Variants in ADAMTS15 observed in about 807,000 individuals in gnomAD.
ADAMTS15 encodes A disintegrin and metalloproteinase with thrombospondin motifs 15.
A neutral mutation model predicts 79.1 loss-of-function variants in ADAMTS15; 35 were observed. The ratio of observed to expected loss-of-function variants is 0.44; its 90% CI spans 0.34 to 0.59. The LOEUF is 0.59. Ranked by LOEUF, ADAMTS15 falls within the 20% of genes least tolerant of loss-of-function variation. The pLI is 0.02. For synonymous variants in ADAMTS15, 616 were observed against 567.3 expected (o/e 1.09, Z -1.22); for missense variants, 1,324 against 1,318.7 (o/e 1.00, Z -0.06).
Position 130,473,178 on chromosome 11 carries a change from T to C in ADAMTS15, c.2210T>C (p.Leu737Pro). ...ALKNSQGKYLLNGHFVVSAVE... is the reference protein window; with the variant it reads ...ALKNSQGKYLPNGHFVVSAVE... The stretch of plus-strand genomic sequence containing the variant: ...AAGAACAGCCAAGGCAAGTACCTGC[T>C]CAACGGGCATTTCGTGGTGTCGGCG... Residue 737 changes from leucine to proline, a missense_variant, in exon 8 of 8, where the codon CTC becomes CCC. Transcript: ENST00000299164. 6.2e-7 allele frequency: 1 copy of C among 1,614,048 alleles called. No homozygotes were observed. Among genetic ancestry groups the C allele is most frequent in the Non-Finnish European group, 8.5e-7 (1 of 1,180,028 alleles).
At position 130,472,700 on chromosome 11, in the gene ADAMTS15, C is replaced by T. The variant is rs1015577275; in HGVS notation, c.2079-347C>T. 6.6e-6 allele frequency among the ~76,000 whole-genome samples: 1 copy of T among 151,626 alleles called. No individual in the cohort carries two copies. Among genetic ancestry groups the T allele is most frequent in the Non-Finnish European group, 1.5e-5 (1 of 68,002 alleles). On this transcript the variant is annotated intron_variant, in intron 7 of 7. Transcript: ENST00000299164. The surrounding 1 kb of genome is among the most constrained non-coding windows in gnomAD (Gnocchi z 4.7). ...CCCACCCCTCCTCCTCCTCCTCCTC[C>T]TCCTCCTCGTCCTCATGGCAGATGT...
chr11:130,449,120 G>A lies in ADAMTS15; in HGVS notation c.147G>A (p.Gly49=), dbSNP rs1429595481. The change falls in exon 1 of 8, where the codon GGG becomes GGA. Residue 49 remains glycine, a synonymous_variant. Transcript: ENST00000299164. This position sits in a 1 kb window ranked among gnomAD's most constrained non-coding sequence, Gnocchi z 7.8. ...ACTGGCGGGGTCCCGAGGACTCCGG[G>A]GATCAGGGACTCATTTTTCAGATCA... ...RYYWRGPEDS[G]DQGLIFQITA... The A allele has an allele frequency of 2.5e-6, 4 of 1,590,432 alleles. No homozygotes were observed. Among genetic ancestry groups the A allele is most frequent in the East Asian group, 4.5e-5 (2 of 44,362 alleles).
chr11:130,449,790 A>G lies in ADAMTS15; in HGVS notation c.817A>G (p.Arg273Gly). The G allele has an allele frequency of 1.2e-6, 2 of 1,612,150 alleles. No individual in the cohort carries two copies. ...NIVVVKVLLLRDRDSGPKVTG... is the reference protein window; with the variant it reads ...NIVVVKVLLLGDRDSGPKVTG... ...CGTTGTGGTCAAGGTGCTGCTTCTT[A>G]GAGATCGTGACTCCGGGCCCAAGGT... The change falls in exon 1 of 8, where the codon AGA becomes GGA. Residue 273 changes from arginine to glycine, a missense_variant. Arg to Gly is a moderately radical substitution (Grantham distance 125, BLOSUM62 -2). Coordinates refer to ENST00000299164, the MANE Select transcript of ADAMTS15 (RefSeq NM_139055.4). The surrounding 1 kb of genome is among the most constrained non-coding windows in gnomAD (Gnocchi z 7.8).
chr11:130,462,176 C>G lies in ADAMTS15; in HGVS notation c.1180C>G (p.Leu394Val), dbSNP rs958317094. The change falls in exon 3 of 8, where the codon CTC becomes GTC. Residue 394 changes from leucine to valine, a missense_variant. Transcript: ENST00000299164. This position sits in a 1 kb window ranked among gnomAD's most constrained non-coding sequence, Gnocchi z 4.3. ...AGCCAACCACATGATGTCCCCGACC[C>G]TCATCCAGATCGACCGTGCCAACCC... The part of the protein sequence containing the change: ...LRANHMMSPT[L>V]IQIDRANPWS... 1 of 1,614,082 alleles carries G rather than the reference C, an allele frequency of 6.2e-7. No homozygotes were observed. Among genetic ancestry groups the G allele is most frequent in the Non-Finnish European group, 8.5e-7 (1 of 1,180,044 alleles).
In ADAMTS15 at chr11:130,462,364, C is replaced by A; in HGVS notation, c.1258+110C>A. Reference sequence around the variant, plus strand: ...CCTCTGTACATTAGGTGTGTGTGCCCCCTCGGAGCCGGGCTCTGACATGAG... The same window carrying A: ...CCTCTGTACATTAGGTGTGTGTGCCACCTCGGAGCCGGGCTCTGACATGAG... On this transcript the variant is annotated intron_variant, in intron 3 of 7. Coordinates refer to ENST00000299164, the MANE Select transcript of ADAMTS15 (RefSeq NM_139055.4). The surrounding 1 kb of genome is among the most constrained non-coding windows in gnomAD (Gnocchi z 4.3). 1 of 1,483,438 alleles carries A rather than the reference C, an allele frequency of 6.7e-7. No individual in the cohort carries two copies. The highest frequency in any genetic ancestry group is 2.2e-5 in the Admixed American group (1 of 44,814). The allele number at this position is 1,483,438 out of a possible 1,614,324, so 91.9% of individuals were successfully genotyped here.
At chr11:130,454,752 G>A (rs893827839) in intron 1 of ADAMTS15, among the ~76,000 whole-genome samples, 10 of 152,258 alleles carry the variant, frequency 6.6e-5, no homozygotes, top group African/African-American at 1.7e-4. Context: ...ATGAGTGCTC[G>A]CTCTCTTTAG....
chr11:130,450,312 C>G (rs535207108), intron 1 of ADAMTS15: 2 of 985,468 alleles, frequency 2.0e-6, no homozygotes, highest in Admixed American at 1.2e-4. Context: ...CGGCCCACCC[C>G]TATTGTATGG....
chr11:130,460,277 G>GTTT (rs200642180), intron 1 of ADAMTS15, among the ~76,000 whole-genome samples: 1 of 143,828 alleles, frequency 7.0e-6, no homozygotes, highest in Non-Finnish European at 1.5e-5. Context: ...CACATCTTCT[G>GTTT]TTTTTTTTTT....
At chr11:130,467,524 A>G (rs1938326887) in intron 4 of ADAMTS15, among the ~76,000 whole-genome samples, 1 of 152,166 alleles carries the variant, frequency 6.6e-6, no homozygotes, top group Non-Finnish European at 1.5e-5. Flanking sequence ...TATGCTGGAT[A>G]TGTACACAGG....
intron 1 of ADAMTS15, among the ~76,000 whole-genome samples, chr11:130,450,570 C>A (rs1480545614): frequency 6.6e-6 from 1 of 152,200 alleles, no homozygotes; most frequent in Non-Finnish European, 1.5e-5. Context: ...GACTTCTCTG[C>A]TGGGCATGGT....
At chr11:130,463,125 G>A (rs956421728) in intron 4 of ADAMTS15, among the ~76,000 whole-genome samples, 4 of 152,140 alleles carry the variant, frequency 2.6e-5, no homozygotes, top group Non-Finnish European at 5.9e-5. Context: ...ATAGTGTCAG[G>A]AGCGGCTCAC....
At chr11:130,450,104 G>T (rs1937932864) in intron 1 of ADAMTS15, 174 bp downstream of exon 1, 5 of 985,366 alleles carry the variant, frequency 5.1e-6, no homozygotes, top group Middle Eastern at 5.2e-4. Flanking sequence ...CACGCTCCGC[G>T]GAGCGGCGGC....
chr11:130,451,638 C>T (rs938448833), intron 1 of ADAMTS15, among the ~76,000 whole-genome samples: 1 of 152,116 alleles, frequency 6.6e-6, no homozygotes, highest in Non-Finnish European at 1.5e-5. Context: ...TTGCCCCATT[C>T]GTTACCTGGG....
chr11:130,455,544 T>C (rs1387422964), intron 1 of ADAMTS15, among the ~76,000 whole-genome samples: 1 of 152,234 alleles, frequency 6.6e-6, no homozygotes. Context: ...AAGGGCTGCC[T>C]GTAGCTCTGG....
intron 4 of ADAMTS15, among the ~76,000 whole-genome samples, chr11:130,465,731 G>A (rs1374691014): frequency 6.6e-6 from 1 of 151,654 alleles, no homozygotes; most frequent in African/African-American, 2.4e-5. Flanking sequence ...AGCATTTCTG[G>A]CAACCCAGAG....
chr11:130,470,194 A>ACATATATATATATG (rs1938418380), intron 5 of ADAMTS15, among the ~76,000 whole-genome samples: 1 of 56,230 alleles, frequency 1.8e-5, no homozygotes, highest in African/African-American at 8.1e-5. Flanking sequence ...GTGTATATAT[A>ACATATATATATATG]TATATATATA....
chr11:130,453,627 A>G (rs1242042057), intron 1 of ADAMTS15, among the ~76,000 whole-genome samples: 3 of 151,916 alleles, frequency 2.0e-5, no homozygotes, highest in Non-Finnish European at 1.5e-5. Flanking sequence ...GGGTCTCACT[A>G]TGTTAACCAG....
chr11:130,473,532 G>A lies in ADAMTS15; in HGVS notation c.2564G>A (p.Cys855Tyr). 2 of 1,606,918 alleles carry A rather than the reference G, an allele frequency of 1.2e-6. No homozygotes were observed. Among genetic ancestry groups the A allele is most frequent in the Non-Finnish European group, 1.7e-6 (2 of 1,176,122 alleles). Residue 855 changes from cysteine to tyrosine, a missense_variant, in exon 8 of 8, where the codon TGC (cysteine) becomes TAC (tyrosine). Transcript: ENST00000299164. ...AGSWGPCSAS[C>Y]GSGLQKRAVD... ...AGCTGGGGGCCGTGCTCCGCGAGCT[G>A]CGGCAGTGGCCTGCAGAAGCGGGCG... is the stretch of plus-strand genomic sequence containing the variant.
At chr11:130,457,137 G>A (rs1480571838) in intron 1 of ADAMTS15, among the ~76,000 whole-genome samples, 1 of 151,638 alleles carries the variant, frequency 6.6e-6, no homozygotes, top group Non-Finnish European at 1.5e-5. Flanking sequence ...GGAGGCTGAG[G>A]CACGAGATGC....
Sources: allele counts gnomAD v4.1 joint callset (sites outside exome capture counted in the v4.1 genomes callset), GRCh38; gene constraint gnomAD v4.1.1; non-coding constraint Gnocchi (gnomAD v3.1); transcripts MANE v1.5; gene names NCBI Gene and HGNC (gene_info 2026-07-23, HGNC 2026-07-21).